Variants in PPP2R5C observed in about 807,000 individuals in gnomAD.
The protein encoded by PPP2R5C is protein phosphatase 2 regulatory subunit B'gamma, also known as serine/threonine-protein phosphatase 2A 56 kDa regulatory subunit gamma isoform.
PPP2R5C carries 7 observed loss-of-function variants against 68.9 expected under a neutral mutation model. That is an observed-to-expected ratio of 0.10 (90% CI 0.06 to 0.19). The LOEUF is 0.19. Ranked by LOEUF, PPP2R5C falls within the 10% of genes least tolerant of loss-of-function variation. The pLI is 1.00. For synonymous variants in PPP2R5C, 210 were observed against 222.2 expected, an observed-to-expected ratio of 0.95 and a Z score of 0.49; for missense variants, 348 against 641.3, an observed-to-expected ratio of 0.54 and a Z score of 4.94.
At chr14:101,834,053 C>T (rs1263464020) in intron 1 of PPP2R5C, among the ~76,000 whole-genome samples, 1 of 152,228 alleles carries the variant, frequency 6.6e-6, no homozygotes, top group Non-Finnish European at 1.5e-5. Context: ...AAGTGATCCA[C>T]CTGCCTCAGC....
chr14:101,814,225 G>A (rs2039528162), intron 1 of PPP2R5C, among the ~76,000 whole-genome samples: 1 of 152,182 alleles, frequency 6.6e-6, no homozygotes, highest in African/African-American at 2.4e-5. Context: ...TCTGAACAGT[G>A]CCTCAGCTCA....
chr14:101,789,229 A>G (rs192797823), intron 3 of PPP2R5C, among the ~76,000 whole-genome samples: 3 of 152,350 alleles, frequency 2.0e-5, no homozygotes, highest in African/African-American at 7.2e-5. Flanking sequence ...AAGGACCAAT[A>G]AAACCTGGAA....
At chr14:101,778,264 G>C (rs2037517550) in intron 2 of PPP2R5C, among the ~76,000 whole-genome samples, 1 of 151,684 alleles carries the variant, frequency 6.6e-6, no homozygotes, top group Non-Finnish European at 1.5e-5. Flanking sequence ...TTTTTAATCG[G>C]GTTTTCTTTT....
At chr14:101,761,061 TGGAGGGAGA>T (rs1171272482), upstream of PPP2R5C, among the ~76,000 whole-genome samples, 3 of 16,888 alleles carry the variant, frequency 1.8e-4, no homozygotes, top group Non-Finnish European at 3.4e-4. Flanking sequence ...GGGAGGGGAG[TGGAGGGAGA>T]GGAGGGAAGG....
At chr14:101,821,346 A>G in intron 1 of PPP2R5C, among the ~76,000 whole-genome samples, 1 of 148,084 alleles carries the variant, frequency 6.8e-6, no homozygotes, top group Admixed American at 6.8e-5. Flanking sequence ...CCCTAACCTT[A>G]TCCCCTGAGA....
chr14:101,925,243 G>T, exon 14 of PPP2R5C: 1 of 1,613,524 alleles, frequency 6.2e-7, no homozygotes, highest in South Asian at 1.1e-5. Flanking sequence ...CTGCAGGGCC[G>T]ATGAGCTGGC....
At chr14:101,850,000 T>C (rs1678008) in intron 1 of PPP2R5C, among the ~76,000 whole-genome samples, 23,105 of 152,256 alleles carry the variant, frequency 0.15, 1,926 homozygotes, top group Non-Finnish European at 0.19. Context: ...TTAGAATCCA[T>C]GTATTCAGTT....
At chr14:101,811,627 G>A (rs1028064423) in intron 1 of PPP2R5C, among the ~76,000 whole-genome samples, 1 of 152,158 alleles carries the variant, frequency 6.6e-6, no homozygotes, top group Non-Finnish European at 1.5e-5. Flanking sequence ...ACAGGTAAGA[G>A]CCACTGTACC....
rs1212044996 is a variant in PPP2R5C at position 101,797,497 on chromosome 14, C to G, written c.259+11314C>G. ...CCCCTCTGCCCTCTTTCTCCACCCTCTCCATTTTCACCGAGATGGTTGTGG... is the reference window on the plus strand; with the variant it reads ...CCCCTCTGCCCTCTTTCTCCACCCTGTCCATTTTCACCGAGATGGTTGTGG... On this transcript the variant is annotated intron_variant, in intron 3 of 14. Transcript: ENST00000328724. This position sits in a 1 kb window ranked among gnomAD's most constrained non-coding sequence, Gnocchi z 4.2. 2.4e-5 allele frequency: 8 copies of G among 333,992 alleles called. 1 individual carries two copies. The highest frequency in any genetic ancestry group is 4.8e-5 in the Non-Finnish European group (8 of 167,100). The allele number at this position is 333,992 out of a possible 1,614,324, so 20.7% of individuals were successfully genotyped here. A position where few individuals can be genotyped will look rare whatever the true frequency, so the allele number is the denominator to read the frequency against.
At chr14:101,815,751 C>A (rs966116370) in intron 1 of PPP2R5C, among the ~76,000 whole-genome samples, 8 of 152,198 alleles carry the variant, frequency 5.3e-5, no homozygotes, top group Non-Finnish European at 8.8e-5. Context: ...CTCACTGCAA[C>A]CTCTGCCTCC....
At chr14:101,893,051 A>G (rs551832725) in exon 7 of PPP2R5C, 1 of 1,612,440 alleles carries the variant, frequency 6.2e-7, no homozygotes, top group South Asian at 1.1e-5. Flanking sequence ...AGATTTTCTT[A>G]TTGAAGGTGT....
intron 1 of PPP2R5C, among the ~76,000 whole-genome samples, chr14:101,847,926 G>A (rs1403024819): frequency 2.6e-5 from 4 of 152,166 alleles, no homozygotes; most frequent in Non-Finnish European, 5.9e-5. Context: ...CTTCCAAAGT[G>A]CTGGGATTAC....
chr14:101,883,192 G>C, intron 3 of PPP2R5C, 65 bp from the exon 6 acceptor site: 12 of 1,138,486 alleles, frequency 1.1e-5, no homozygotes, highest in Non-Finnish European at 1.5e-5. Flanking sequence ...TCAATTTCTG[G>C]TATATTTTAA....
At position 101,917,955 on chromosome 14, in the gene PPP2R5C, T is replaced by C; in HGVS notation, c.1443+8T>C. The C allele has an allele frequency of 6.2e-7, 1 of 1,613,768 alleles. No individual in the cohort carries two copies. The highest frequency in any genetic ancestry group is 1.3e-5 in the African/African-American group (1 of 74,960). ...AAGGACGAGGCTCATCAGGTAAAAG[T>C]GCACCGAGCTCAGCTGGGCACCCAT... is the stretch of plus-strand genomic sequence containing the variant. On this transcript the variant is annotated splice_region_variant and intron_variant, in intron 13 of 13. Coordinates refer to ENST00000334743, the Ensembl canonical transcript of PPP2R5C. This position sits in a 1 kb window ranked among gnomAD's most constrained non-coding sequence, Gnocchi z 4.4.
At chr14:101,905,351 C>G (rs933351796) in intron 9 of PPP2R5C, among the ~76,000 whole-genome samples, 1 of 145,894 alleles carries the variant, frequency 6.9e-6, no homozygotes, top group African/African-American at 2.6e-5. Context: ...GAAACTCCAT[C>G]TCTTTTTAAA....
chr14:101,774,735 T>C (rs529742937), intron 2 of PPP2R5C, among the ~76,000 whole-genome samples: 1 of 152,352 alleles, frequency 6.6e-6, no homozygotes, highest in South Asian at 2.1e-4. Context: ...TTGCTGATTG[T>C]GAGTGCATCA....
At chr14:101,818,755 A>T in intron 1 of PPP2R5C, 1 of 355,732 alleles carries the variant, frequency 2.8e-6, no homozygotes, top group South Asian at 6.6e-5. Context: ...TATTTGAAAT[A>T]AGTGGGGTCC....
chr14:101,785,495 G>A (rs928106817), intron 2 of PPP2R5C, among the ~76,000 whole-genome samples: 2 of 152,094 alleles, frequency 1.3e-5, no homozygotes, highest in Non-Finnish European at 1.5e-5. Flanking sequence ...TTCCAACCCA[G>A]CCATGTAGCA....
intron 3 of PPP2R5C, among the ~76,000 whole-genome samples, chr14:101,787,569 C>T (rs777314583): frequency 1.3e-5 from 2 of 149,394 alleles, no homozygotes; most frequent in Non-Finnish European, 3.0e-5. Flanking sequence ...CAAGACCATC[C>T]TGGCTAACAT....
Sources: gnomAD v4.1 joint callset for allele counts (sites outside exome capture counted in the v4.1 genomes callset) on GRCh38, gnomAD v4.1.1 for gene constraint, Gnocchi (gnomAD v3.1) non-coding constraint, MANE v1.5 for transcripts, NCBI Gene and HGNC (gene_info 2026-07-23, HGNC 2026-07-21) for gene names.